BCR: variants seen among roughly 807,000 people sequenced by gnomAD.
BCR encodes the protein breakpoint cluster region protein.
BCR carries 58 observed loss-of-function variants against 138.6 expected under a neutral mutation model. That is an observed-to-expected ratio of 0.42 (90% CI 0.34 to 0.52). The LOEUF (loss-of-function observed/expected upper bound fraction) is 0.52. BCR is among the 20% of genes least tolerant of loss of function. The probability of loss-of-function intolerance (pLI) is 0.06; values close to 1 mark genes in which losing one functional copy is unlikely to be tolerated. For missense variants in BCR, 1,599 were observed against 1,727.2 expected, an observed-to-expected ratio of 0.93 and a Z score of 1.32; for synonymous variants, 786 against 730.1, an observed-to-expected ratio of 1.08 and a Z score of -1.23.
chr22:23,278,878 C>A (rs1472614891), intron 8 of BCR, among the ~76,000 whole-genome samples: 3 of 152,210 alleles, frequency 2.0e-5, no homozygotes, highest in Admixed American at 2.0e-4. Context: ...CAAACAGAAG[C>A]TGTAAGTGCA....
rs987760873 is a variant in BCR at position 23,273,545 on chromosome 22, T to G, written c.1975-89T>G. The G allele has an allele frequency of 2.6e-6, 4 of 1,564,734 alleles. No homozygotes were observed. The African/African-American group carries it at 5.4e-5, about 21-fold the overall frequency. ...CACTGAGGGAGCCGGCGCTCTGGGC[T>G]CCGTCCACACTTTGTGTCTGCACTT... On this transcript the variant is annotated intron_variant, in intron 7 of 22. Coordinates refer to ENST00000305877, the MANE Select transcript of BCR (RefSeq NM_004327.4).
chr22:23,253,719 G>T, intron 1 of BCR, 80 bp from the exon 2 acceptor site: 1 of 1,509,380 alleles, frequency 6.6e-7, no homozygotes, highest in African/African-American at 1.4e-5. Flanking sequence ...GATGGTGTCA[G>T]CTGGGTGCTT....
chr22:23,244,985 C>A (rs946056826), intron 1 of BCR, among the ~76,000 whole-genome samples: 15 of 152,128 alleles, frequency 9.9e-5, no homozygotes, highest in Non-Finnish European at 2.1e-4. Context: ...TGTTCTGGAT[C>A]CTGATGGAGA....
chr22:23,266,781 C>T (rs1051096285), intron 4 of BCR, among the ~76,000 whole-genome samples: 1 of 152,236 alleles, frequency 6.6e-6, no homozygotes, highest in African/African-American at 2.4e-5. Flanking sequence ...AGCAGCGAGG[C>T]TGTGTGCTTC....
intron 1 of BCR, among the ~76,000 whole-genome samples, chr22:23,230,837 C>T (rs1331736543): frequency 1.3e-5 from 2 of 152,188 alleles, no homozygotes; most frequent in Admixed American, 6.5e-5. Context: ...GCTCCCCAGC[C>T]GCACATCCAG....
intron 16 of BCR, among the ~76,000 whole-genome samples, chr22:23,298,760 T>C (rs1275842601): frequency 6.6e-6 from 1 of 152,140 alleles, no homozygotes; most frequent in Non-Finnish European, 1.5e-5. Flanking sequence ...CACGCCTGGC[T>C]AATTTTTTTG....
chr22:23,240,914 T>C (rs556634528), intron 1 of BCR, among the ~76,000 whole-genome samples: 2 of 152,350 alleles, frequency 1.3e-5, no homozygotes, highest in African/African-American at 4.8e-5. Context: ...GAACCTCATA[T>C]ACGTGGAATC....
intron 20 of BCR, among the ~76,000 whole-genome samples, chr22:23,313,560 G>C (rs190200718): frequency 6.6e-6 from 1 of 152,204 alleles, no homozygotes; most frequent in Non-Finnish European, 1.5e-5. Context: ...GGGTCTCTGC[G>C]TACTTGGTGG....
intron 16 of BCR, among the ~76,000 whole-genome samples, chr22:23,296,461 T>G (rs1568979214): frequency 6.6e-6 from 1 of 151,782 alleles, no homozygotes; most frequent in Non-Finnish European, 1.5e-5. Context: ...TCATCTTTGC[T>G]GATGGATCCC....
chr22:23,211,075 G>C (rs1405007420), intron 1 of BCR, among the ~76,000 whole-genome samples: 1 of 152,166 alleles, frequency 6.6e-6, no homozygotes, highest in Non-Finnish European at 1.5e-5. Flanking sequence ...CCCTTCTTCT[G>C]TTAGTCCTGG....
chr22:23,273,848 G>A, intron 8 of BCR, 74 bp downstream of exon 8: 3 of 1,587,606 alleles, frequency 1.9e-6, no homozygotes, highest in South Asian at 1.1e-5. Flanking sequence ...CTCGATCTGA[G>A]GTCTGGAGCC....
intron 16 of BCR, among the ~76,000 whole-genome samples, chr22:23,299,142 G>A (rs1199577789): frequency 3.3e-5 from 5 of 151,988 alleles, no homozygotes; most frequent in South Asian, 4.2e-4. Context: ...GACTACAGGC[G>A]CCCGCCACCA....
chr22:23,215,954 C>T (rs930204574), intron 1 of BCR, among the ~76,000 whole-genome samples: 1 of 152,192 alleles, frequency 6.6e-6, no homozygotes, highest in Non-Finnish European at 1.5e-5. Flanking sequence ...AGAATTACCA[C>T]GTTCCCTTTA....
At chr22:23,213,717 CT>C (rs1240066098) in intron 1 of BCR, among the ~76,000 whole-genome samples, 1 of 151,976 alleles carries the variant, frequency 6.6e-6, no homozygotes, top group Non-Finnish European at 1.5e-5. Flanking sequence ...GTAGTCCTAG[CT>C]ACTCAGGAGG....
At chr22:23,279,153 T>C (rs1314054842) in intron 8 of BCR, among the ~76,000 whole-genome samples, 1 of 152,184 alleles carries the variant, frequency 6.6e-6, no homozygotes, top group Non-Finnish European at 1.5e-5. Context: ...CAGCAAACAT[T>C]AGCTGCTACC....
At chr22:23,187,501 T>TC (rs1569236880) in intron 1 of BCR, among the ~76,000 whole-genome samples, 38 of 94,850 alleles carry the variant, frequency 4.0e-4, no homozygotes, top group Admixed American at 9.4e-4. Context: ...CTCTCTCTCT[T>TC]TTTTTTTTTT....
rs1259292931 is a variant in BCR at position 23,246,798 on chromosome 22, T to A, written c.1280-7001T>A. On this transcript the variant is annotated intron_variant, in intron 1 of 22. Coordinates refer to ENST00000305877, the MANE Select transcript of BCR (RefSeq NM_004327.4). ...TTGCCCACTACTTCAAAGATTTGGG[T>A]CTTTTTTGCTGTCAGAGGAACTTAC... 2.6e-5 allele frequency among the ~76,000 whole-genome samples: 4 copies of A among 152,146 alleles called. No homozygotes were observed. The East Asian group carries it at 7.7e-4, about 29-fold the overall frequency.
At chr22:23,274,184 TA>T (rs1471784068) in intron 8 of BCR, among the ~76,000 whole-genome samples, 5 of 152,140 alleles carry the variant, frequency 3.3e-5, no homozygotes, top group Non-Finnish European at 7.4e-5. Flanking sequence ...GTGCTTTCAT[TA>T]AAAAACAGTT....
intron 1 of BCR, among the ~76,000 whole-genome samples, chr22:23,187,092 C>G (rs2072352891): frequency 1.3e-5 from 2 of 152,174 alleles, no homozygotes; most frequent in African/African-American, 2.4e-5. Context: ...CCCAGGGAGC[C>G]TGGTTCTGAG....
Sources: allele counts gnomAD v4.1 joint callset (sites outside exome capture counted in the v4.1 genomes callset), GRCh38; gene constraint gnomAD v4.1.1; transcripts MANE v1.5; gene names NCBI Gene and HGNC (gene_info 2026-07-23, HGNC 2026-07-21).